ADAM32: variants seen among roughly 807,000 people sequenced by gnomAD.
The protein encoded by ADAM32 is disintegrin and metalloproteinase domain-containing protein 32.
ADAM32 carries 89 observed loss-of-function variants against 114.9 expected under a neutral mutation model. The ratio of observed to expected loss-of-function variants is 0.77; its 90% CI spans 0.65 to 0.92. The LOEUF is 0.92. Ranked by LOEUF, ADAM32 falls within the 40% of genes least tolerant of loss-of-function variation. ADAM32 has a pLI of 0.00. For missense variants in ADAM32, 870 were observed against 932.8 expected (o/e 0.93, Z 0.88); for synonymous variants, 285 against 307.5 (o/e 0.93, Z 0.77).
At chr8:39,124,026 T>C (rs1801952390) in intron 2 of ADAM32, among the ~76,000 whole-genome samples, 1 of 151,840 alleles carries the variant, frequency 6.6e-6, no homozygotes, top group Non-Finnish European at 1.5e-5. Context: ...TTTTTTTCTT[T>C]AACATTTATT....
rs559620400 is a variant in ADAM32 at position 39,123,482 on chromosome 8, T to C, written c.138+5317T>C. Among the ~76,000 whole-genome samples the C allele has an allele frequency of 4.1e-4, 62 of 152,144 alleles. 1 individual carries two copies. The highest frequency in any genetic ancestry group is 4.3e-4 in the Non-Finnish European group (29 of 68,022). ...GGGGGGCACAATTCAATCCATAACA[T>C]TCTTCCTTGTGGTTCCCTCCAAATT... On this transcript the variant is annotated intron_variant, in intron 2 of 24. Coordinates refer to ENST00000379907, the MANE Select transcript of ADAM32 (RefSeq NM_145004.7).
intron 24 of ADAM32, 21 bp downstream of exon 24, chr8:39,283,645 T>C: frequency 6.4e-7 from 1 of 1,570,696 alleles, no homozygotes; most frequent in Non-Finnish European, 8.7e-7. Flanking sequence ...TAGAAGGTGT[T>C]TCTTAAAATA....
chr8:39,135,419 G>T (rs1802735292), intron 2 of ADAM32, among the ~76,000 whole-genome samples: 1 of 152,096 alleles, frequency 6.6e-6, no homozygotes, highest in Admixed American at 6.5e-5. Flanking sequence ...AATAATTTTA[G>T]ATATACAGAA....
rs1806268013 is a variant in ADAM32, at chr8:39,186,745, A to T, written c.916-164A>T. On this transcript the variant is annotated intron_variant, in intron 10 of 24. Coordinates refer to ENST00000379907, the MANE Select transcript of ADAM32 (RefSeq NM_145004.7). ...ACACTCAATGTGCTTCTATCTCAGT[A>T]AAACTTCATAAGAAGAGCTTCAGCT... Among the ~76,000 whole-genome samples, 3 of 152,214 alleles carry T rather than the reference A, an allele frequency of 2.0e-5. No homozygotes were observed. The South Asian group carries it at 6.2e-4, about 32-fold the overall frequency.
chr8:39,197,596 G>A (rs1053517567), intron 11 of ADAM32, among the ~76,000 whole-genome samples: 42 of 151,860 alleles, frequency 2.8e-4, no homozygotes, highest in African/African-American at 8.0e-4. Flanking sequence ...AGGAGCATTC[G>A]TTTACCTTTC....
chr8:39,190,039 C>G (rs913492533), intron 11 of ADAM32, among the ~76,000 whole-genome samples: 2 of 152,154 alleles, frequency 1.3e-5, no homozygotes, highest in South Asian at 4.1e-4. Flanking sequence ...AGGATGGTCT[C>G]GATCTCCTGA....
intron 22 of ADAM32, 74 bp from the exon 23 acceptor site, chr8:39,281,062 A>C (rs908365724): frequency 1.6e-6 from 1 of 625,672 alleles, no homozygotes; most frequent in South Asian, 4.3e-5. Context: ...GATTACAGGC[A>C]TGAGCCACCG....
At chr8:39,166,407 C>T (rs1013510330) in intron 9 of ADAM32, 6 of 151,942 alleles carry the variant, frequency 3.9e-5, no homozygotes, top group African/African-American at 1.2e-4. Context: ...TATTCCATCA[C>T]ATTGCCACAG....
At chr8:39,126,538 C>T (rs1459037636) in intron 2 of ADAM32, among the ~76,000 whole-genome samples, 1 of 152,128 alleles carries the variant, frequency 6.6e-6, no homozygotes, top group Non-Finnish European at 1.5e-5. Context: ...TATCCTGATA[C>T]TTTGCTGAAG....
chr8:39,178,415 T>TA (rs1478357095), intron 10 of ADAM32, among the ~76,000 whole-genome samples: 2 of 152,354 alleles, frequency 1.3e-5, no homozygotes, highest in African/African-American at 4.8e-5. Context: ...ACTGCTCCTG[T>TA]ATTGTTTTAT....
intron 2 of ADAM32, among the ~76,000 whole-genome samples, chr8:39,133,614 C>T (rs964083429): frequency 2.0e-5 from 3 of 152,210 alleles, no homozygotes; most frequent in African/African-American, 4.8e-5. Flanking sequence ...AACACCATTA[C>T]GGGTGGCAGT....
chr8:39,250,810 AC>A (rs1811237469), intron 17 of ADAM32, among the ~76,000 whole-genome samples: 1 of 151,582 alleles, frequency 6.6e-6, no homozygotes, highest in Non-Finnish European at 1.5e-5. Flanking sequence ...CTATTAATCA[AC>A]CTCTCTTCAT....
At chr8:39,254,833 C>A (rs1257895731) in intron 18 of ADAM32, among the ~76,000 whole-genome samples, 1 of 151,704 alleles carries the variant, frequency 6.6e-6, no homozygotes. Flanking sequence ...GTATACTGTA[C>A]CCAATGTGTA....
At chr8:39,275,106 C>G (rs559871589) in intron 21 of ADAM32, among the ~76,000 whole-genome samples, 1 of 152,334 alleles carries the variant, frequency 6.6e-6, no homozygotes, top group Non-Finnish European at 1.5e-5. Context: ...TGATGCATCT[C>G]TGTGTCTAGT....
chr8:39,145,223 T>C (rs1181477667), intron 3 of ADAM32, among the ~76,000 whole-genome samples: 1 of 152,100 alleles, frequency 6.6e-6, no homozygotes, highest in Non-Finnish European at 1.5e-5. Context: ...AAAATGTCCA[T>C]ACTGTCCAAA....
rs139058214 is a variant in ADAM32, at chr8:39,262,728, C to CT, written c.2162+5390dup. ...CTCTCTTTCTTTCCTTCCATCCTTT[C>CT]TTTTTCTCTTGCTCTGTCGCCCAGG... On this transcript the variant is annotated intron_variant, in intron 19 of 24. Coordinates refer to ENST00000379907, the MANE Select transcript of ADAM32 (RefSeq NM_145004.7). Among the ~76,000 whole-genome samples, 684 of 150,472 alleles carry CT rather than the reference C, an allele frequency of 4.5e-3. 6 individuals are homozygous for CT. Among genetic ancestry groups the CT allele is most frequent in the African/African-American group, 0.015 (618 of 40,854 alleles).
chr8:39,219,579 C>G (rs1258913640), intron 12 of ADAM32, among the ~76,000 whole-genome samples: 1 of 152,206 alleles, frequency 6.6e-6, no homozygotes, highest in African/African-American at 2.4e-5. Flanking sequence ...ACACTGTGCT[C>G]TCCTCCCTGA....
intron 18 of ADAM32, among the ~76,000 whole-genome samples, chr8:39,256,474 G>A (rs1811654050): frequency 1.3e-5 from 2 of 151,988 alleles, no homozygotes; most frequent in South Asian, 2.1e-4. Context: ...AAGTGATGCT[G>A]GCATATTATT....
chr8:39,227,502 A>T (rs1169558415), intron 14 of ADAM32, among the ~76,000 whole-genome samples: 1 of 152,024 alleles, frequency 6.6e-6, no homozygotes, highest in Non-Finnish European at 1.5e-5. Context: ...GCACGGTGGG[A>T]GTGAGACAGG....
Sources: gnomAD v4.1 joint callset for allele counts (sites outside exome capture counted in the v4.1 genomes callset) on GRCh38, gnomAD v4.1.1 for gene constraint, MANE v1.5 for transcripts, NCBI Gene and HGNC (gene_info 2026-07-23, HGNC 2026-07-21) for gene names.